The following CAPN8 variants were observed in gnomAD, a reference collection of about 807,000 sequenced individuals.
The protein encoded by CAPN8 is calpain-8.
CAPN8 carries 87 observed loss-of-function variants against 80.9 expected under a neutral mutation model. That is an observed-to-expected ratio of 1.07 (90% confidence interval 0.90 to 1.28). CAPN8 has a LOEUF of 1.28. Among genes scored for constraint, CAPN8 ranks in the 50% most tolerant of loss-of-function variants. CAPN8 has a pLI of 0.00. For synonymous variants in CAPN8, 299 were observed against 273.8 expected, an observed-to-expected ratio of 1.09 and a Z score of -0.91; for missense variants, 757 against 702.0, an observed-to-expected ratio of 1.08 and a Z score of -0.89.
At chr1:223,545,356 T>A in intron 16 of CAPN8, 57 bp from the exon 17 acceptor site, 1 of 1,550,188 alleles carries the variant, frequency 6.5e-7, no homozygotes, top group South Asian at 1.2e-5. Flanking sequence ...CTTATAGATT[T>A]CTTTCTCTTG....
chr1:223,545,057 C>A, intron 17 of CAPN8, 174 bp downstream of exon 17: 1 of 1,379,426 alleles, frequency 7.2e-7, no homozygotes, highest in Non-Finnish European at 9.8e-7. Context: ...GCTTTCAGGG[C>A]AGTGGTTGGC....
chr1:223,544,884 AC>A, intron 17 of CAPN8, 34 bp from the exon 18 acceptor site: 1 of 1,551,188 alleles, frequency 6.4e-7, no homozygotes, highest in Non-Finnish European at 8.7e-7. Context: ...GTAGAAAACA[AC>A]CATTCACGGC....
intron 5 of CAPN8, 52 bp downstream of exon 5, chr1:223,626,937 C>G: frequency 2.0e-6 from 3 of 1,526,822 alleles, no homozygotes; most frequent in Non-Finnish European, 2.7e-6. Context: ...CCCTACCACA[C>G]AAGGGGTGGC....
At chr1:223,640,019 G>A (rs1857545) in intron 2 of CAPN8, among the ~76,000 whole-genome samples, 151,287 of 152,296 alleles carry the variant, frequency 0.99, 75,151 homozygotes, top group East Asian at 1. Flanking sequence ...AAGAAATTTC[G>A]GGAAGAGTCC....
At chr1:223,614,672 A>C (rs970374865) in intron 10 of CAPN8, among the ~76,000 whole-genome samples, 1 of 152,202 alleles carries the variant, frequency 6.6e-6, no homozygotes, top group South Asian at 2.1e-4. Flanking sequence ...TGGAGTGTGC[A>C]TCTCACTTTC....
intron 20 of CAPN8, among the ~76,000 whole-genome samples, chr1:223,542,722 C>T (rs998554263): frequency 2.0e-5 from 3 of 152,150 alleles, no homozygotes; most frequent in Admixed American, 2.0e-4. Flanking sequence ...GTTCATTTTG[C>T]ATCTTCATTC....
intron 10 of CAPN8, among the ~76,000 whole-genome samples, chr1:223,614,627 C>A (rs1657119509): frequency 6.6e-6 from 1 of 152,174 alleles, no homozygotes. Context: ...GTGTCAGGTC[C>A]CCATCACAGC....
intron 15 of CAPN8, among the ~76,000 whole-genome samples, chr1:223,550,661 A>T (rs1030163506): frequency 2.6e-5 from 4 of 152,112 alleles, no homozygotes; most frequent in Non-Finnish European, 5.9e-5. Context: ...ATCCCAGCCC[A>T]GCTCTTTTTC....
intron 14 of CAPN8, among the ~76,000 whole-genome samples, chr1:223,553,255 C>T (rs1454908715): frequency 6.6e-6 from 1 of 152,184 alleles, no homozygotes; most frequent in African/African-American, 2.4e-5. Flanking sequence ...GAACGGAAGC[C>T]AGGGCAGGGG....
chr1:223,621,939 C>A (rs575138614), intron 7 of CAPN8, among the ~76,000 whole-genome samples: 1 of 152,036 alleles, frequency 6.6e-6, no homozygotes, highest in Non-Finnish European at 1.5e-5. Flanking sequence ...TCACTGCAAC[C>A]TCCAACTCCT....
At chr1:223,631,468 G>A (rs575884748) in intron 2 of CAPN8, among the ~76,000 whole-genome samples, 41 of 152,132 alleles carry the variant, frequency 2.7e-4, no homozygotes, top group African/African-American at 9.2e-4. Context: ...AAGGCCACTT[G>A]ATTACATCTG....
intron 1 of CAPN8, among the ~76,000 whole-genome samples, chr1:223,654,707 G>A (rs1013483305): frequency 2.0e-5 from 3 of 151,886 alleles, no homozygotes; most frequent in African/African-American, 4.8e-5. Context: ...ACAGCGTCTC[G>A]CTTTGTTGCC....
chr1:223,555,289 G>A (rs1312172911), intron 13 of CAPN8, among the ~76,000 whole-genome samples: 1 of 152,146 alleles, frequency 6.6e-6, no homozygotes, highest in Non-Finnish European at 1.5e-5. Flanking sequence ...AGTAAACAGT[G>A]AAGCCAGGAT....
rs990126000 is a variant in CAPN8, at chr1:223,552,457, G to A, written c.1641+1375C>T. ...CTGGCATCTGCAGTCCCAGCTACTC[G>A]GGAGGCTGAGGCACGAGAATCGCTT... is the stretch of plus-strand genomic sequence containing the variant. On this transcript the variant is annotated intron_variant, in intron 14 of 20. Coordinates refer to ENST00000366872, the MANE Select transcript of CAPN8 (RefSeq NM_001143962.2). Among the ~76,000 whole-genome samples the A allele has an allele frequency of 5.7e-4, 86 of 151,786 alleles. 1 individual carries two copies. The South Asian group carries it at 0.016, about 28-fold the overall frequency.
At chr1:223,552,559 C>CAAAAAA (rs1167143421) in intron 14 of CAPN8, among the ~76,000 whole-genome samples, 1 of 65,662 alleles carries the variant, frequency 1.5e-5, no homozygotes, top group Non-Finnish European at 2.9e-5. Flanking sequence ...CAGTCCATCT[C>CAAAAAA]AAAAAAAAAA....
intron 15 of CAPN8, among the ~76,000 whole-genome samples, chr1:223,550,463 C>A (rs927567653): frequency 6.6e-6 from 1 of 152,188 alleles, no homozygotes; most frequent in Non-Finnish European, 1.5e-5. Context: ...AGATGCAAAT[C>A]TTTCCTCCTG....
chr1:223,555,000 C>T (rs986127923), intron 13 of CAPN8, among the ~76,000 whole-genome samples: 5 of 152,196 alleles, frequency 3.3e-5, no homozygotes, highest in Non-Finnish European at 5.9e-5. Flanking sequence ...TCTAGAAAGC[C>T]GGGTTAATTT....
intron 7 of CAPN8, among the ~76,000 whole-genome samples, 158 bp from the exon 8 acceptor site, chr1:223,620,424 ACTGT>A (rs1657350322): frequency 6.6e-6 from 1 of 152,214 alleles, no homozygotes; most frequent in Non-Finnish European, 1.5e-5. Flanking sequence ...GCGCGAGCAC[ACTGT>A]CTGGGGAAGG....
chr1:223,551,430 C>T (rs1190101551), intron 14 of CAPN8, among the ~76,000 whole-genome samples: 1 of 152,230 alleles, frequency 6.6e-6, no homozygotes, highest in African/African-American at 2.4e-5. Flanking sequence ...CATGAGCCAC[C>T]GTGCCCGGCT....
Sources: allele counts gnomAD v4.1 joint callset (sites outside exome capture counted in the v4.1 genomes callset), GRCh38; gene constraint gnomAD v4.1.1; transcripts MANE v1.5; gene names NCBI Gene and HGNC (gene_info 2026-07-23, HGNC 2026-07-21).